The following LETM1 variants were observed in gnomAD, a reference collection of about 807,000 sequenced individuals.
The protein encoded by LETM1 is leucine zipper and EF-hand containing transmembrane protein 1.
LETM1 carries 50 observed loss-of-function variants against 74.5 expected under a neutral mutation model. The ratio of observed to expected loss-of-function variants is 0.67; its 90% confidence interval spans 0.53 to 0.85. The LOEUF is 0.85. Ranked by LOEUF, LETM1 falls within the 40% of genes least tolerant of loss-of-function variation. The pLI is 0.00. For synonymous variants in LETM1, 446 were observed against 407.1 expected (o/e 1.10, Z -1.15); for missense variants, 824 against 967.8 (o/e 0.85, Z 1.97).
intron 10 of LETM1, among the ~76,000 whole-genome samples, chr4:1,821,408 G>A (rs1032544759): frequency 6.6e-6 from 1 of 151,224 alleles, no homozygotes; most frequent in Non-Finnish European, 1.5e-5. Flanking sequence ...TTTTTTTATG[G>A]CTGGGTGTGG....
At position 1,841,734 on chromosome 4, in the gene LETM1, G is replaced by A; in HGVS notation, c.207C>T (p.His69=). The change falls in exon 3 of 14, where the codon CAC becomes CAT. Residue 69 remains histidine, a synonymous_variant. Transcript: ENST00000302787. The stretch of plus-strand genomic sequence containing the variant: ...CGGGCCTCAGAGCCCAACAGCCGAG[G>A]TGATCGCCTCTGGAGGATGTGTACA... The part of the protein sequence containing the change: ...HPVYTSSRGD[H]LGCWALRPEC... 1.2e-6 allele frequency: 2 copies of A among 1,614,172 alleles called. No individual in the cohort carries two copies. Among genetic ancestry groups the A allele is most frequent in the Non-Finnish European group, 1.7e-6 (2 of 1,180,038 alleles).
intron 2 of LETM1, chr4:1,843,062 T>A: frequency 3.0e-6 from 1 of 330,792 alleles, no homozygotes; most frequent in Non-Finnish European, 6.1e-6. Context: ...TTCCATCAGC[T>A]CTCTGTGCAT....
intron 11 of LETM1, among the ~76,000 whole-genome samples, chr4:1,817,369 C>G (rs760195321): frequency 6.6e-6 from 1 of 151,786 alleles, no homozygotes; most frequent in African/African-American, 2.4e-5. Context: ...CCAGACCAGG[C>G]AACATAGCAA....
At chr4:1,838,339 C>T (rs886070336) in intron 3 of LETM1, among the ~76,000 whole-genome samples, 4 of 151,812 alleles carry the variant, frequency 2.6e-5, no homozygotes, top group African/African-American at 9.7e-5. Context: ...ACCTCATGAT[C>T]GGCCCGCCTC....
chr4:1,834,877 C>T lies in LETM1; in HGVS notation c.844G>A (p.Ala282Thr), dbSNP rs1340815089. 57 of 1,614,156 alleles carry T rather than the reference C, an allele frequency of 3.5e-5. No homozygotes were observed. Among genetic ancestry groups the T allele is most frequent in the Admixed American group, 5.0e-5 (3 of 60,022 alleles). The change falls in exon 5 of 14, where the codon GCC (alanine) becomes ACC (threonine). Residue 282 changes from alanine (A) to threonine (T), a missense_variant. Ala to Thr is a moderately conservative substitution (Grantham distance 58). Coordinates refer to ENST00000302787, the MANE Select transcript of LETM1 (RefSeq NM_012318.3). This position sits in a 1 kb window ranked among gnomAD's most constrained non-coding sequence, Gnocchi z 5.0. Reference sequence around the variant, plus strand: ...AAAAACACAGAGAAGTCTTTGGTGGCGCTGCCCTTGGCTGCCTTGTTCTTC... The same window carrying T: ...AAAAACACAGAGAAGTCTTTGGTGGTGCTGCCCTTGGCTGCCTTGTTCTTC... ...ALKNKAAKGS[A>T]TKDFSVFFQK...
intron 9 of LETM1, 112 bp from the exon 10 acceptor site, chr4:1,822,424 G>T: frequency 8.2e-7 from 1 of 1,215,568 alleles, no homozygotes; most frequent in Non-Finnish European, 1.1e-6. Context: ...AGGCCTGCAG[G>T]TGACATTGGG....
chr4:1,820,185 C>T (rs549889209), intron 10 of LETM1, among the ~76,000 whole-genome samples: 1 of 152,334 alleles, frequency 6.6e-6, no homozygotes, highest in East Asian at 1.9e-4. Flanking sequence ...ATCCTCCCAC[C>T]TCGGCTTCCC....
At chr4:1,850,267 G>A (rs936314659) in intron 1 of LETM1, among the ~76,000 whole-genome samples, 1 of 152,138 alleles carries the variant, frequency 6.6e-6, no homozygotes, top group African/African-American at 2.4e-5. Flanking sequence ...TAAGTGAAGG[G>A]TCTGCCCCAG....
chr4:1,816,575 G>C lies in LETM1; in HGVS notation c.1931+152C>G. Reference sequence around the variant, plus strand: ...GAGACTGACATGCCAGAGGGTTCCTGGCTGGGACTGCTGGTCAAAGGTGGA... The same window carrying C: ...GAGACTGACATGCCAGAGGGTTCCTCGCTGGGACTGCTGGTCAAAGGTGGA... On this transcript the variant is annotated intron_variant, in intron 12 of 13. Coordinates refer to ENST00000302787, the MANE Select transcript of LETM1 (RefSeq NM_012318.3). 3 of 687,628 alleles carry C rather than the reference G, an allele frequency of 4.4e-6. No homozygotes were observed. The South Asian group carries it at 5.7e-5, about 13-fold the overall frequency. The allele number at this position is 687,628 out of a possible 1,614,324, so 42.6% of individuals were successfully genotyped here.
intron 6 of LETM1, among the ~76,000 whole-genome samples, chr4:1,827,918 G>A (rs1172486842): frequency 1.3e-5 from 2 of 149,878 alleles, no homozygotes; most frequent in South Asian, 4.2e-4. Context: ...CTGGGCGGGG[G>A]GCTGACCCCC....
intron 1 of LETM1, among the ~76,000 whole-genome samples, chr4:1,851,918 GGCTTCTGTCCCCA>G (rs1384847996): frequency 6.6e-6 from 1 of 152,154 alleles, no homozygotes; most frequent in Non-Finnish European, 1.5e-5. Flanking sequence ...CTGTTCTGAC[GGCTTCTGTCCCCA>G]GCTCTCCAAG....
chr4:1,826,788 T>C (rs1712004339), intron 6 of LETM1, among the ~76,000 whole-genome samples: 2 of 152,276 alleles, frequency 1.3e-5, no homozygotes, highest in Non-Finnish European at 1.5e-5. Flanking sequence ...TCCTGGGGGC[T>C]GGCTGGCCTC....
In LETM1 at chr4:1,822,988, C is replaced by T. The variant is rs368161701; in HGVS notation, c.1476G>A (p.Ala492=). The part of the protein sequence containing the change: ...EKELQKRSEV[A]KDFEPERVVA... ...GGCACGGAGCAGGACCACCGCTTAC[C>T]GCCACCTCCGAGCGCTTCTGCAGCT... Residue 492 remains alanine, a splice_region_variant and synonymous_variant, in exon 9 of 14, where the codon GCG becomes GCA. Transcript: ENST00000302787. 56 of 1,566,220 alleles carry T rather than the reference C, an allele frequency of 3.6e-5. No homozygotes were observed. The highest frequency in any genetic ancestry group is 4.3e-5 in the Non-Finnish European group (50 of 1,152,684).
rs940269180 is a variant in LETM1 at position 1,834,635 on chromosome 4, G to T, written c.876+210C>A. 5 of 1,393,542 alleles carry T rather than the reference G, an allele frequency of 3.6e-6. No homozygotes were observed. Among genetic ancestry groups the T allele is most frequent in the Non-Finnish European group, 4.6e-6 (5 of 1,075,730 alleles). The allele number at this position is 1,393,542 out of a possible 1,614,324, so 86.3% of individuals were successfully genotyped here. A position where few individuals can be genotyped will look rare whatever the true frequency, so the allele number is the denominator to read the frequency against. ...GACGCCCATAATTCTGAAGGCTGAC[G>T]AGGCGCAGCCACCACAGCTTAACTC... On this transcript the variant is annotated intron_variant, in intron 5 of 13. Coordinates refer to ENST00000302787, the MANE Select transcript of LETM1 (RefSeq NM_012318.3). The surrounding 1 kb of genome is among the most constrained non-coding windows in gnomAD (Gnocchi z 5.0).
chr4:1,846,254 A>G lies in LETM1; in HGVS notation c.143+2895T>C, dbSNP rs979702246. Among the ~76,000 whole-genome samples, 16 of 152,156 alleles carry G rather than the reference A, an allele frequency of 1.1e-4. 1 individual carries two copies. The Middle Eastern group carries it at 0.014, about 130-fold the overall frequency. On this transcript the variant is annotated intron_variant, in intron 2 of 13. Transcript: ENST00000302787. ...GTAGATGTTCAAAATTGGGAACTTT[A>G]AAAAAAGTTACGTGAATAAAGTACA...
intron 2 of LETM1, among the ~76,000 whole-genome samples, chr4:1,847,927 T>C (rs752384303): frequency 4.2e-5 from 6 of 142,142 alleles, no homozygotes; most frequent in Non-Finnish European, 6.1e-5. Flanking sequence ...ACCCGGGAGG[T>C]GGAGATTGCA....
chr4:1,828,802 G>C (rs1712131941), intron 6 of LETM1, among the ~76,000 whole-genome samples: 1 of 143,614 alleles, frequency 7.0e-6, no homozygotes, highest in African/African-American at 2.6e-5. Flanking sequence ...CGGCTGGCCG[G>C]GCAGGGGGGC....
In LETM1 at chr4:1,842,436, GC is replaced by G. The variant is rs913334125; in HGVS notation, c.144-640del. On this transcript the variant is annotated intron_variant, in intron 2 of 13. Coordinates refer to ENST00000302787, the MANE Select transcript of LETM1 (RefSeq NM_012318.3). Reference sequence around the variant, plus strand: ...GCTCCAAGCCCAGAGCCTCACACCTGCCCCCCCGCCTGGACATCCCTAGCTC... The same window carrying G: ...GCTCCAAGCCCAGAGCCTCACACCTGCCCCCCGCCTGGACATCCCTAGCTC... Among the ~76,000 whole-genome samples, 14 of 152,076 alleles carry G rather than the reference GC, an allele frequency of 9.2e-5. 1 individual carries two copies. Among genetic ancestry groups the G allele is most frequent in the Non-Finnish European group, 1.2e-4 (8 of 67,974 alleles).
chr4:1,838,784 G>C (rs1166235461), intron 3 of LETM1, among the ~76,000 whole-genome samples: 1 of 152,172 alleles, frequency 6.6e-6, no homozygotes, highest in South Asian at 2.1e-4. Flanking sequence ...GAGCAGACAG[G>C]AGATGAGGCT....
Sources: gnomAD v4.1 joint callset for allele counts (sites outside exome capture counted in the v4.1 genomes callset) on GRCh38, gnomAD v4.1.1 for gene constraint, Gnocchi (gnomAD v3.1) non-coding constraint, MANE v1.5 for transcripts, NCBI Gene and HGNC (gene_info 2026-07-23, HGNC 2026-07-21) for gene names.